The following CNIH3 variants were observed in gnomAD, a reference collection of about 807,000 sequenced individuals.
The protein encoded by CNIH3 is cornichon family AMPA receptor auxiliary protein 3, also known as protein cornichon homolog 3.
Under a neutral mutation model 24.1 loss-of-function variants are expected in CNIH3, and 14 were observed. The ratio of observed to expected loss-of-function variants is 0.58; its 90% CI spans 0.38 to 0.91. CNIH3 has a LOEUF of 0.91. Among genes scored for constraint, CNIH3 ranks in the 40% least tolerant of loss-of-function variants. The pLI, the probability that CNIH3 is intolerant of heterozygous loss-of-function variation, is 0.00. For missense variants in CNIH3, 178 were observed against 196.8 expected (o/e 0.90, Z 0.57); for synonymous variants, 68 against 73.8 (o/e 0.92, Z 0.40).
At chr1:224,674,240 A>T (rs1686014600) in intron 1 of CNIH3, among the ~76,000 whole-genome samples, 1 of 127,774 alleles carries the variant, frequency 7.8e-6, no homozygotes, top group Non-Finnish European at 1.6e-5. Flanking sequence ...ATGCACATTG[A>T]CATTTCAATC....
intron 1 of CNIH3, among the ~76,000 whole-genome samples, chr1:224,479,078 C>T (rs1394963899): frequency 6.6e-6 from 1 of 151,668 alleles, no homozygotes; most frequent in East Asian, 1.9e-4. Context: ...CCCTCCCTGG[C>T]CCCTCCCAAA....
intron 1 of CNIH3, among the ~76,000 whole-genome samples, chr1:224,449,503 T>A (rs1207081831): frequency 6.6e-6 from 1 of 151,982 alleles, no homozygotes; most frequent in African/African-American, 2.4e-5. Context: ...ATTACTATTA[T>A]TTTTTTCCAA....
chr1:224,590,348 T>C (rs1372145039), downstream of CNIH3, among the ~76,000 whole-genome samples: 3 of 152,242 alleles, frequency 2.0e-5, no homozygotes, highest in Non-Finnish European at 1.5e-5. Context: ...CCTCCCTTTT[T>C]TGTGTAACTG....
At chr1:224,659,698 C>T (rs1052883982) in intron 1 of CNIH3, among the ~76,000 whole-genome samples, 7 of 152,130 alleles carry the variant, frequency 4.6e-5, no homozygotes, top group Non-Finnish European at 1.0e-4. Flanking sequence ...GCCAAGAGTA[C>T]GGAATCAAGT....
chr1:224,514,942 G>T (rs77697731), upstream of CNIH3, among the ~76,000 whole-genome samples: 944 of 152,332 alleles, frequency 6.2e-3, 4 homozygotes, highest in Non-Finnish European at 9.8e-3. Context: ...CCAGAGAAGT[G>T]ACTTGAATTG....
chr1:224,590,878 A>T (rs543126009), downstream of CNIH3, among the ~76,000 whole-genome samples: 39 of 141,886 alleles, frequency 2.7e-4, no homozygotes, highest in African/African-American at 1.0e-3. Flanking sequence ...GAGCCTGGTC[A>T]CACTTCTGGG....
intron 1 of CNIH3, chr1:224,435,053 A>C (rs1674586433): frequency 1.0e-6 from 1 of 985,486 alleles, no homozygotes; most frequent in Non-Finnish European, 1.2e-6. Context: ...CTCGACGAGC[A>C]GTAAGTTCGT....
chr1:224,696,024 T>C (rs1470283724), intron 3 of CNIH3, among the ~76,000 whole-genome samples: 1 of 152,114 alleles, frequency 6.6e-6, no homozygotes, highest in Non-Finnish European at 1.5e-5. Flanking sequence ...TGGGTTTGGG[T>C]CTGTGAGTAA....
chr1:224,434,728 C>T, exon 1 of CNIH3: 4 of 983,332 alleles, frequency 4.1e-6, no homozygotes, highest in Non-Finnish European at 4.8e-6. Context: ...AGGCAGCTGC[C>T]GCCTCTGTCC....
intron 5 of CNIH3, chr1:224,587,123 C>T (rs1681544304): frequency 6.6e-6 from 1 of 152,242 alleles, no homozygotes; most frequent in Non-Finnish European, 1.5e-5. Context: ...GCCTGGTTGC[C>T]TATACCCACG....
chr1:224,708,227 C>A (rs758775933), intron 3 of CNIH3, among the ~76,000 whole-genome samples: 8 of 152,118 alleles, frequency 5.3e-5, no homozygotes, highest in Non-Finnish European at 1.0e-4. Flanking sequence ...CCTCTCCCAT[C>A]TCAGGGCCTC....
intron 1 of CNIH3, among the ~76,000 whole-genome samples, chr1:224,677,038 G>A (rs1400525386): frequency 6.6e-6 from 1 of 152,204 alleles, no homozygotes; most frequent in Non-Finnish European, 1.5e-5. Flanking sequence ...TGTTAGGCAG[G>A]CCTTGGTTTG....
At chr1:224,607,971 G>A (rs939019357) in intron 3 of CNIH3, among the ~76,000 whole-genome samples, 8 of 152,124 alleles carry the variant, frequency 5.3e-5, no homozygotes, top group African/African-American at 1.9e-4. Context: ...CAAGAAAAGG[G>A]TTAACATGTC....
chr1:224,477,113 C>G (rs1328460862), intron 1 of CNIH3, among the ~76,000 whole-genome samples: 3 of 152,158 alleles, frequency 2.0e-5, no homozygotes, highest in Non-Finnish European at 4.4e-5. Context: ...AAGCAGCCTC[C>G]CCATGAGCCT....
Position 224,734,577 on chromosome 1 carries a change from C to T in CNIH3, c.326C>T (p.Pro109Leu). ...TCTCCCTGCAGGTATTTCCACTGTC[C>T]AGCAGATAGCTCAGAACTAGCCTAC... is the stretch of plus-strand genomic sequence containing the variant. ...FYHFWRYFHC[P>L]ADSSELAYDP... is the part of the protein sequence containing the mutation. The change falls in exon 5 of 6, where the codon CCA becomes CTA. Residue 109 changes from proline to leucine, a missense_variant. Transcript: ENST00000272133. 6.8e-6 allele frequency: 11 copies of T among 1,614,182 alleles called. No homozygotes were observed. The highest frequency in any genetic ancestry group is 2.2e-5 in the East Asian group (1 of 44,888).
intron 1 of CNIH3, among the ~76,000 whole-genome samples, chr1:224,499,613 G>A (rs573192297): frequency 1.3e-5 from 2 of 152,340 alleles, no homozygotes; most frequent in East Asian, 1.9e-4. Flanking sequence ...ATGGGGCAAG[G>A]AAAGCCTTTC....
intron 3 of CNIH3, among the ~76,000 whole-genome samples, chr1:224,690,831 G>T (rs1292074932): frequency 1.3e-5 from 2 of 152,170 alleles, no homozygotes; most frequent in Non-Finnish European, 2.9e-5. Flanking sequence ...GCTGGGAAGG[G>T]GCAGGTGCTC....
intron 1 of CNIH3, among the ~76,000 whole-genome samples, chr1:224,652,242 G>C (rs1684892186): frequency 6.6e-6 from 1 of 151,988 alleles, no homozygotes; most frequent in Non-Finnish European, 1.5e-5. Context: ...GACCAGATGG[G>C]AGCAAGCAGA....
At chr1:224,457,273 CTCTGTG>C (rs1224456696) in intron 1 of CNIH3, among the ~76,000 whole-genome samples, 625 of 28,060 alleles carry the variant, frequency 0.022, 3 homozygotes, top group African/African-American at 0.085. Context: ...TCCTCTCTCT[CTCTGTG>C]TGTGTGTGTG....
Sources: gnomAD v4.1 joint callset for allele counts (sites outside exome capture counted in the v4.1 genomes callset) on GRCh38, gnomAD v4.1.1 for gene constraint, MANE v1.5 for transcripts, NCBI Gene and HGNC (gene_info 2026-07-23, HGNC 2026-07-21) for gene names.